The following MCCC1 variants were observed in gnomAD, a reference collection of about 807,000 sequenced individuals.
MCCC1 encodes the protein methylcrotonoyl-CoA carboxylase subunit alpha, mitochondrial.
A neutral mutation model predicts 83.8 loss-of-function variants in MCCC1; 64 were observed. That is an observed-to-expected ratio of 0.76 (90% confidence interval 0.62 to 0.94). The LOEUF is 0.94. Among genes scored for constraint, MCCC1 ranks in the 40% least tolerant of loss-of-function variants. MCCC1 has a pLI of 0.00. For synonymous variants in MCCC1, 322 were observed against 315.4 expected, an observed-to-expected ratio of 1.02 and a Z score of -0.22; for missense variants, 807 against 904.7, an observed-to-expected ratio of 0.89 and a Z score of 1.39.
chr3:183,025,661 A>C, intron 15 of MCCC1, 94 bp downstream of exon 15: 1 of 1,148,218 alleles, frequency 8.7e-7, no homozygotes, highest in Non-Finnish European at 1.3e-6. Context: ...TAATAGTCAA[A>C]GGCTTAAGGG....
intron 18 of MCCC1, 60 bp from the exon 19 acceptor site, chr3:183,015,626 A>G: frequency 6.2e-7 from 1 of 1,606,944 alleles, no homozygotes; most frequent in Non-Finnish European, 8.5e-7. Context: ...CTGAGTATAC[A>G]CCAAGTCAAG....
At chr3:183,044,392 A>G (rs954774896) in intron 10 of MCCC1, among the ~76,000 whole-genome samples, 12 of 152,246 alleles carry the variant, frequency 7.9e-5, no homozygotes, top group African/African-American at 2.9e-4. Context: ...AAGAACAGTT[A>G]TAAACTTACA....
chr3:183,069,478 C>A (rs1018363658), intron 7 of MCCC1, among the ~76,000 whole-genome samples: 5 of 151,638 alleles, frequency 3.3e-5, no homozygotes, highest in African/African-American at 9.7e-5. Context: ...TTAGAAATGC[C>A]CCCCCCTTTT....
intron 3 of MCCC1, 25 bp downstream of exon 3, chr3:183,092,384 G>A (rs755410451): frequency 8.1e-6 from 13 of 1,613,788 alleles, no homozygotes; most frequent in East Asian, 2.2e-5. Flanking sequence ...AACGTAAGAC[G>A]TGGCTTCCAA....
At chr3:183,107,533 ATTT>A (rs1008035959) in intron 1 of MCCC1, among the ~76,000 whole-genome samples, 1 of 150,004 alleles carries the variant, frequency 6.7e-6, no homozygotes, top group Non-Finnish European at 1.5e-5. Flanking sequence ...TATTATTATT[ATTT>A]GTTGTTGTTG....
chr3:183,107,534 TTTG>T (rs530964558), intron 1 of MCCC1, among the ~76,000 whole-genome samples: 95 of 151,176 alleles, frequency 6.3e-4, no homozygotes, highest in South Asian at 5.4e-3. Context: ...ATTATTATTA[TTTG>T]TTGTTGTTGT....
chr3:183,034,622 C>G (rs1257789617), intron 13 of MCCC1, among the ~76,000 whole-genome samples: 4 of 152,108 alleles, frequency 2.6e-5, no homozygotes, highest in Non-Finnish European at 5.9e-5. Context: ...AATCTAAACT[C>G]TAATCCCATA....
intron 7 of MCCC1, among the ~76,000 whole-genome samples, chr3:183,059,631 C>A (rs1715679376): frequency 6.6e-6 from 1 of 152,186 alleles, no homozygotes; most frequent in African/African-American, 2.4e-5. Context: ...AAGTTTCTGA[C>A]CTAAAACATT....
chr3:183,037,360 C>A lies in MCCC1; in HGVS notation c.1452G>T (p.Val484=). The part of the protein sequence containing the change: ...SGHPEFEAGN[V]HTDFIPQHHK... The stretch of plus-strand genomic sequence containing the variant: ...GGTGTTGAGGGATGAAATCAGTGTG[C>A]ACGTTCCCAGCTTCAAACTCTGGGT... Residue 484 remains valine, a synonymous_variant, in exon 13 of 19, where the codon GTG becomes GTT. Transcript: ENST00000265594. The A allele has an allele frequency of 6.2e-7, 1 of 1,614,110 alleles. No homozygotes were observed. The highest frequency in any genetic ancestry group is 8.5e-7 in the Non-Finnish European group (1 of 1,180,022).
intron 1 of MCCC1, among the ~76,000 whole-genome samples, chr3:183,111,067 A>C (rs575777994): frequency 6.6e-6 from 1 of 152,202 alleles, no homozygotes; most frequent in Non-Finnish European, 1.5e-5. Context: ...CATATGTATT[A>C]TATCATCAGG....
At chr3:183,106,609 C>T (rs1329106502) in intron 1 of MCCC1, among the ~76,000 whole-genome samples, 1 of 152,044 alleles carries the variant, frequency 6.6e-6, no homozygotes, top group African/African-American at 2.4e-5. Context: ...AGCGATTCTA[C>T]TGCCTCAGCC....
In MCCC1 at chr3:183,099,463, G is replaced by A. The variant is rs374636986; in HGVS notation, c.-23C>T. ...CATGTCCCTGGAGCCCGGCCACTCC[G>A]TGACTCCCCAGTACAGAGGCAGCTG... On this transcript the variant is annotated 5_prime_UTR_variant, in exon 1 of 19. In the 5' UTR this introduces an upstream ATG that the reference lacks. Transcript: ENST00000265594. 9.0e-5 allele frequency: 143 copies of A among 1,593,494 alleles called. No homozygotes were observed. The African/African-American group carries it at 1.5e-3, about 16-fold the overall frequency.
intron 1 of MCCC1, among the ~76,000 whole-genome samples, chr3:183,106,900 C>T (rs894515273): frequency 6.6e-6 from 1 of 152,180 alleles, no homozygotes; most frequent in Non-Finnish European, 1.5e-5. Flanking sequence ...CACATGCATA[C>T]ACTCACATTT....
rs10937106 is a variant in MCCC1, at chr3:183,020,499, G to A, written c.1870-262C>T. On this transcript the variant is annotated intron_variant, in intron 16 of 18. Coordinates refer to ENST00000265594, the MANE Select transcript of MCCC1 (RefSeq NM_020166.5). ...ATACAAAAATCAGCCCAGTGTAGTG[G>A]TACGCGCCTATAGTCCCAGCTACTT... Among the ~76,000 whole-genome samples the A allele has an allele frequency of 0.5, 76,327 of 151,832 alleles. 23,954 individuals carry two copies. The highest frequency in any genetic ancestry group is 0.71 in the Non-Finnish European group (48,082 of 67,922).
chr3:183,086,918 T>C (rs985124235), intron 3 of MCCC1, 130 bp from the exon 4 acceptor site: 2 of 803,312 alleles, frequency 2.5e-6, no homozygotes, highest in South Asian at 1.5e-5. Context: ...AGTGCAAGAA[T>C]TGAAAAACTG....
upstream of MCCC1, among the ~76,000 whole-genome samples, chr3:183,103,862 G>C (rs1410577266): frequency 6.6e-6 from 1 of 152,204 alleles, no homozygotes; most frequent in African/African-American, 2.4e-5. Context: ...GCTCAGGCAT[G>C]GCGGGCTGCA....
At chr3:183,040,098 GAAAAAAAAAAAAAAAAAA>G (rs57389038) in intron 11 of MCCC1, among the ~76,000 whole-genome samples, 5 of 34,576 alleles carry the variant, frequency 1.4e-4, no homozygotes, top group African/African-American at 5.0e-4. Context: ...CTCCATCTCA[GAAAAAAAAAAAAAAAAAA>G]AAAAAAAAAA....
intron 4 of MCCC1, among the ~76,000 whole-genome samples, chr3:183,073,162 TC>T (rs1716823053): frequency 6.6e-6 from 1 of 152,202 alleles, no homozygotes. Flanking sequence ...CTGTTTTGAG[TC>T]CCTGCTTTAA....
Position 183,037,387 on chromosome 3 carries a change from G to C in MCCC1, c.1425C>G (p.Gly475=), listed in dbSNP as rs750286197. 6.2e-7 allele frequency: 1 copy of C among 1,614,152 alleles called. No individual in the cohort carries two copies. Among genetic ancestry groups the C allele is most frequent in the Non-Finnish European group, 8.5e-7 (1 of 1,180,032 alleles). Residue 475 remains glycine (G), a synonymous_variant, in exon 13 of 19, where the codon GGC becomes GGG. Transcript: ENST00000265594. ...CGTTCCCAGCTTCAAACTCTGGGTG[G>C]CCAGACAGGTTGAGTAAGAAGTCAA... The part of the protein sequence containing the change: ...TNIDFLLNLS[G]HPEFEAGNVH...
Sources: allele counts gnomAD v4.1 joint callset (sites outside exome capture counted in the v4.1 genomes callset), GRCh38; gene constraint gnomAD v4.1.1; transcripts MANE v1.5; gene names NCBI Gene and HGNC (gene_info 2026-07-23, HGNC 2026-07-21).